Variants in ASTN2 observed in about 807,000 individuals in gnomAD.
ASTN2 encodes astrotactin-2.
Under a neutral mutation model 139.8 loss-of-function variants are expected in ASTN2, and 54 were observed. The observed-to-expected ratio is 0.39, with a 90% CI of 0.31 to 0.48. The LOEUF (loss-of-function observed/expected upper bound fraction) is 0.48. Among genes scored for constraint, ASTN2 ranks in the 20% least tolerant of loss-of-function variants. The probability of loss-of-function intolerance (pLI) is 0.95; values close to 1 mark genes in which losing one functional copy is unlikely to be tolerated. For synonymous variants in ASTN2, 756 were observed against 719.5 expected (o/e 1.05, Z -0.81); for missense variants, 1,565 against 1,725.1 (o/e 0.91, Z 1.64).
chr9:117,202,547 C>T (rs1162007257), intron 3 of ASTN2, among the ~76,000 whole-genome samples: 2 of 152,110 alleles, frequency 1.3e-5, no homozygotes, highest in African/African-American at 2.4e-5. Context: ...GTAATGAAAT[C>T]CCACAGCATT....
intron 7 of ASTN2, among the ~76,000 whole-genome samples, chr9:117,007,605 T>C (rs750391303): frequency 6.6e-6 from 1 of 152,218 alleles, no homozygotes; most frequent in Non-Finnish European, 1.5e-5. Flanking sequence ...ATCACTGCTG[T>C]CTTCCCAATA....
chr9:116,526,197 T>C (rs963801387), intron 19 of ASTN2, among the ~76,000 whole-genome samples: 10 of 152,216 alleles, frequency 6.6e-5, no homozygotes, highest in Non-Finnish European at 1.5e-4. Context: ...TATTCACATA[T>C]ATGCTCCAGT....
chr9:116,853,467 A>G (rs546472187), intron 11 of ASTN2, among the ~76,000 whole-genome samples: 10 of 152,276 alleles, frequency 6.6e-5, no homozygotes, highest in African/African-American at 2.4e-4. Context: ...CACAACCACT[A>G]AAAGTTCTGT....
At chr9:117,385,980 G>C (rs1479330742) in intron 1 of ASTN2, among the ~76,000 whole-genome samples, 1 of 152,128 alleles carries the variant, frequency 6.6e-6, no homozygotes, top group African/African-American at 2.4e-5. Flanking sequence ...GATAATAGAT[G>C]AAGGGGATAT....
At chr9:117,325,179 G>A (rs1475181900) in intron 1 of ASTN2, among the ~76,000 whole-genome samples, 1 of 152,168 alleles carries the variant, frequency 6.6e-6, no homozygotes, top group African/African-American at 2.4e-5. Flanking sequence ...TTCACCCTGA[G>A]CCCTGAGGGA....
At chr9:116,540,926 T>C (rs956623302) in intron 19 of ASTN2, among the ~76,000 whole-genome samples, 1 of 151,934 alleles carries the variant, frequency 6.6e-6, no homozygotes, top group African/African-American at 2.4e-5. Context: ...TATGAAACAG[T>C]ATATGAACAT....
intron 19 of ASTN2, among the ~76,000 whole-genome samples, chr9:116,520,711 C>G (rs2119230990): frequency 6.6e-6 from 1 of 151,912 alleles, no homozygotes; most frequent in African/African-American, 2.4e-5. Flanking sequence ...AAGCCAAACT[C>G]TCTCTGTTTA....
chr9:117,329,617 G>T (rs1314629835), intron 1 of ASTN2, among the ~76,000 whole-genome samples: 1 of 152,084 alleles, frequency 6.6e-6, no homozygotes, highest in African/African-American at 2.4e-5. Context: ...GACAAAGGGG[G>T]GTGGACATGC....
chr9:116,963,655 G>T (rs1835928815), intron 10 of ASTN2, among the ~76,000 whole-genome samples: 1 of 152,118 alleles, frequency 6.6e-6, no homozygotes, highest in Non-Finnish European at 1.5e-5. Flanking sequence ...ATATTTTGAA[G>T]GTAGGATGAA....
Position 117,003,726 on chromosome 9 carries a change from G to A in ASTN2, c.1591+4366C>T, listed in dbSNP as rs188334146. ...AGCAGATCAGCTGGGGAGCTAGAAG[G>A]TCAGACCCACAGGCACTCACCACTT... On this transcript the variant is annotated intron_variant, in intron 7 of 22. Coordinates refer to ENST00000313400, the MANE Select transcript of ASTN2 (RefSeq NM_001365068.1). Among the ~76,000 whole-genome samples the A allele has an allele frequency of 2.6e-5, 4 of 151,860 alleles. No homozygotes were observed. In the East Asian group the frequency reaches 5.8e-4, roughly 22 times the overall value.
At chr9:116,852,542 GTT>G (rs1246932931) in intron 11 of ASTN2, among the ~76,000 whole-genome samples, 3 of 152,106 alleles carry the variant, frequency 2.0e-5, no homozygotes, top group African/African-American at 7.2e-5. Context: ...CCTTCTCACT[GTT>G]TGCTCCCTCA....
intron 1 of ASTN2, among the ~76,000 whole-genome samples, chr9:117,368,155 G>A (rs919607577): frequency 2.0e-5 from 3 of 152,106 alleles, no homozygotes; most frequent in Non-Finnish European, 4.4e-5. Context: ...CTAGTGTAAT[G>A]TTTATGTAGC....
At chr9:117,244,696 AGAAGGAGAAAG>A (rs1338576108) in intron 2 of ASTN2, among the ~76,000 whole-genome samples, 3 of 128,942 alleles carry the variant, frequency 2.3e-5, no homozygotes, top group South Asian at 5.9e-4. Context: ...AAGGAAGGAG[AGAAGGAGAAAG>A]GAAGGAGAAA....
intron 1 of ASTN2, among the ~76,000 whole-genome samples, chr9:117,332,117 A>T (rs1828729943): frequency 6.6e-6 from 1 of 152,218 alleles, no homozygotes; most frequent in Non-Finnish European, 1.5e-5. Context: ...AAAGGAAATG[A>T]ATGAATTCTT....
intron 16 of ASTN2, among the ~76,000 whole-genome samples, chr9:116,652,815 A>T (rs59878225): frequency 0.15 from 22,782 of 152,030 alleles, 1,798 homozygotes; most frequent in Middle Eastern, 0.21. Context: ...TCATGTGCAC[A>T]CTGAGATCTG....
intron 16 of ASTN2, chr9:116,687,281 G>A (rs1860290673): frequency 1.0e-6 from 1 of 989,568 alleles, no homozygotes. Flanking sequence ...AGGGAGCTCT[G>A]CGAATTGGCG....
At chr9:117,285,514 A>G (rs1312495244) in intron 2 of ASTN2, among the ~76,000 whole-genome samples, 2 of 152,226 alleles carry the variant, frequency 1.3e-5, no homozygotes, top group African/African-American at 4.8e-5. Flanking sequence ...AAGCTACTGA[A>G]TAAGAATGGT....
At chr9:116,993,870 A>ATTTT (rs1412853171) in intron 7 of ASTN2, among the ~76,000 whole-genome samples, 2 of 141,246 alleles carry the variant, frequency 1.4e-5, no homozygotes, top group African/African-American at 5.3e-5. Context: ...ATATATATAT[A>ATTTT]TATATATTTT....
chr9:117,078,994 C>T (rs1828352532), intron 5 of ASTN2, among the ~76,000 whole-genome samples: 1 of 152,158 alleles, frequency 6.6e-6, no homozygotes, highest in Non-Finnish European at 1.5e-5. Flanking sequence ...CCTCGGCCTC[C>T]CAAAGTGCTG....
Sources: allele counts gnomAD v4.1 joint callset (sites outside exome capture counted in the v4.1 genomes callset), GRCh38; gene constraint gnomAD v4.1.1; transcripts MANE v1.5; gene names NCBI Gene and HGNC (gene_info 2026-07-23, HGNC 2026-07-21).